PRSS38: variants seen among roughly 807,000 people sequenced by gnomAD.
The protein encoded by PRSS38 is serine protease 38, also known as marapsin 2.
A neutral mutation model predicts 26.8 loss-of-function variants in PRSS38; 22 were observed. That is an observed-to-expected ratio of 0.82 (90% CI 0.59 to 1.17). The LOEUF (loss-of-function observed/expected upper bound fraction) is 1.17. Among genes scored for constraint, PRSS38 ranks in the 50% most tolerant of loss-of-function variants. The pLI is 0.00. For synonymous variants in PRSS38, 175 were observed against 172.1 expected (o/e 1.02, Z -0.13); for missense variants, 427 against 422.7 (o/e 1.01, Z -0.09).
Position 227,816,980 on chromosome 1 carries a change from G to A in PRSS38, c.312-229G>A, listed in dbSNP as rs1664927647. ...CATGCATGGGCTGCTGGCCTGTACA[G>A]CTGGTGGTCGTGTACAGACTTGGGT... On this transcript the variant is annotated intron_variant, in intron 2 of 4. Transcript: ENST00000366757. This position sits in a 1 kb window ranked among gnomAD's most constrained non-coding sequence, Gnocchi z 5.1. Among the ~76,000 whole-genome samples, 1 of 152,242 alleles carries A rather than the reference G, an allele frequency of 6.6e-6. No homozygotes were observed. The highest frequency in any genetic ancestry group is 2.1e-4 in the South Asian group (1 of 4,834).
chr1:227,845,557 T>A (rs61741607), exon 4 of PRSS38: 62,064 of 1,613,582 alleles, frequency 0.038, 1,402 homozygotes, highest in East Asian at 0.072. Flanking sequence ...ATGTCCTACA[T>A]CATGCCCGAC....
In PRSS38 at chr1:227,817,106, T is replaced by C. The variant is rs1664931097; in HGVS notation, c.312-103T>C. Reference sequence around the variant, plus strand: ...CTGCAGGAAGAAACTGGCTTTTCAATCCCACCGAGTGAGTGCCAGCCCCTT... The same window carrying C: ...CTGCAGGAAGAAACTGGCTTTTCAACCCCACCGAGTGAGTGCCAGCCCCTT... On this transcript the variant is annotated intron_variant, in intron 2 of 4. Coordinates refer to ENST00000366757, the Ensembl canonical transcript of PRSS38. 4.0e-6 allele frequency: 5 copies of C among 1,246,592 alleles called. No individual in the cohort carries two copies. The South Asian group carries it at 5.7e-5, about 14-fold the overall frequency. 77.2% of individuals were successfully genotyped at this position (1,246,592 alleles called of 1,614,324 possible).
rs138900240 is a variant in PRSS38 at position 227,816,098 on chromosome 1, C to T, written c.157C>T (p.Arg53Trp). The change falls in exon 2 of 5, where the codon CGG becomes TGG. Residue 53 changes from arginine to tryptophan, a missense_variant. Physicochemically the swap from Arg to Trp is moderately radical, Grantham distance 101 (BLOSUM62 -3). Transcript: ENST00000366757. The surrounding 1 kb of genome is among the most constrained non-coding windows in gnomAD (Gnocchi z 5.1). ...CTCCGTTCTCCCTGCAGCCTGTGGT[C>T]GGCCCAGCATGGAGGGGAAAATCCT... 63 of 1,612,048 alleles carry T rather than the reference C, an allele frequency of 3.9e-5. No homozygotes were observed. Among genetic ancestry groups the T allele is most frequent in the South Asian group, 7.7e-5 (7 of 90,892 alleles).
intron 3 of PRSS38, among the ~76,000 whole-genome samples, chr1:227,836,850 A>G (rs1259344363): frequency 1.3e-5 from 2 of 152,224 alleles, no homozygotes; most frequent in African/African-American, 4.8e-5. Flanking sequence ...AATTATGTTA[A>G]CATATTCTTT....
chr1:227,819,979 C>T (rs1664978537), intron 3 of PRSS38, among the ~76,000 whole-genome samples: 2 of 149,288 alleles, frequency 1.3e-5, no homozygotes, highest in Admixed American at 1.4e-4. Context: ...ATCCCAGCTA[C>T]TTGGGAGGCT....
intron 3 of PRSS38, among the ~76,000 whole-genome samples, chr1:227,844,896 C>CGT: frequency 2.4e-5 from 2 of 82,240 alleles, no homozygotes; most frequent in East Asian, 4.7e-4. Flanking sequence ...TCCCTATGTA[C>CGT]GGTCAGGGCT....
chr1:227,835,885 C>A lies in PRSS38; in HGVS notation c.584-9585C>A, dbSNP rs900373933. Among the ~76,000 whole-genome samples the A allele has an allele frequency of 1.4e-3, 215 of 152,204 alleles. 1 individual carries two copies. The highest frequency in any genetic ancestry group is 1.0e-4 in the Non-Finnish European group (7 of 68,008). On this transcript the variant is annotated intron_variant, in intron 3 of 4. Transcript: ENST00000366757. ...ATGGCATTGTGAATGTACTAAATGC[C>A]ACTGATTTGTCTGCTTTAAAATGCT...
intron 3 of PRSS38, among the ~76,000 whole-genome samples, chr1:227,822,733 GGTT>G (rs895562371): frequency 6.6e-6 from 1 of 152,128 alleles, no homozygotes; most frequent in African/African-American, 2.4e-5. Context: ...GATCTTTGCA[GGTT>G]GGTCTGTGCC....
chr1:227,841,685 T>G (rs1231632405), intron 3 of PRSS38, among the ~76,000 whole-genome samples: 2 of 152,170 alleles, frequency 1.3e-5, no homozygotes, highest in Admixed American at 6.6e-5. Flanking sequence ...CAGGAAAGGG[T>G]TGACCCAATG....
intron 3 of PRSS38, among the ~76,000 whole-genome samples, chr1:227,824,453 T>C (rs1665043745): frequency 6.6e-6 from 1 of 152,204 alleles, no homozygotes; most frequent in South Asian, 2.1e-4. Flanking sequence ...ACCACATTTT[T>C]TTATCCAGTC....
intron 3 of PRSS38, among the ~76,000 whole-genome samples, chr1:227,826,630 C>A (rs1287012868): frequency 6.6e-6 from 1 of 152,038 alleles, no homozygotes; most frequent in Non-Finnish European, 1.5e-5. Flanking sequence ...GCAGGAGAAT[C>A]ACTTGAACCC....
intron 3 of PRSS38, among the ~76,000 whole-genome samples, chr1:227,839,482 T>C (rs951625799): frequency 1.9e-4 from 28 of 147,672 alleles, no homozygotes; most frequent in African/African-American, 7.0e-4. Flanking sequence ...AAAAAAAAGG[T>C]ATGTAACCAG....
chr1:227,827,268 C>T (rs1291064034), intron 3 of PRSS38, among the ~76,000 whole-genome samples: 3 of 152,142 alleles, frequency 2.0e-5, no homozygotes, highest in African/African-American at 7.2e-5. Context: ...ACTGGCTCTT[C>T]TTTGTACCTC....
At chr1:227,819,278 A>G (rs561853164) in intron 3 of PRSS38, among the ~76,000 whole-genome samples, 3 of 152,296 alleles carry the variant, frequency 2.0e-5, no homozygotes, top group African/African-American at 7.2e-5. Flanking sequence ...TTATACTCTA[A>G]GTTTGCTTAA....
At chr1:227,819,188 G>GAGAT (rs902374484) in intron 3 of PRSS38, among the ~76,000 whole-genome samples, 21 of 152,118 alleles carry the variant, frequency 1.4e-4, no homozygotes, top group African/African-American at 4.8e-4. Context: ...TGTATGTGGG[G>GAGAT]AGATGGTGGT....
chr1:227,823,112 G>A (rs1665025676), intron 3 of PRSS38, among the ~76,000 whole-genome samples: 1 of 151,764 alleles, frequency 6.6e-6, no homozygotes. Flanking sequence ...ACCTTGCTGA[G>A]TCTCCAATGC....
rs1473604227 is a variant in PRSS38 at position 227,845,959 on chromosome 1, C to T, written c.732C>T (p.Asp244=). ...AACTCCCTCTTCCTTTCTAGGGCGA[C>T]TCCGGGGGCCCACTTGTCTGTGAAT... Residue 244 remains aspartate (D), a synonymous_variant, in exon 5 of 5, where the codon GAC becomes GAT. Transcript: ENST00000366757. The T allele has an allele frequency of 2.5e-6, 4 of 1,614,112 alleles. No individual in the cohort carries two copies. In the South Asian group the frequency reaches 3.3e-5, roughly 13 times the overall value.
intron 3 of PRSS38, among the ~76,000 whole-genome samples, chr1:227,822,979 G>T (rs1047516873): frequency 6.6e-6 from 1 of 152,124 alleles, no homozygotes; most frequent in Admixed American, 6.6e-5. Context: ...TACAAGTGCA[G>T]GTTTGCTACA....
intron 3 of PRSS38, among the ~76,000 whole-genome samples, chr1:227,842,671 T>G (rs1665355738): frequency 6.6e-6 from 1 of 151,938 alleles, no homozygotes; most frequent in African/African-American, 2.4e-5. Context: ...ACCTCCGCCT[T>G]CTGGGTTCTA....
Sources: gnomAD v4.1 joint callset for allele counts (sites outside exome capture counted in the v4.1 genomes callset) on GRCh38, gnomAD v4.1.1 for gene constraint, Gnocchi (gnomAD v3.1) non-coding constraint, MANE v1.5 for transcripts, NCBI Gene and HGNC (gene_info 2026-07-23, HGNC 2026-07-21) for gene names.